Variants in CNBD1 observed in about 807,000 individuals in gnomAD.
The protein encoded by CNBD1 is cyclic nucleotide-binding domain-containing protein 1.
A neutral mutation model predicts 54.4 loss-of-function variants in CNBD1; 71 were observed. The observed-to-expected ratio is 1.30, with a 90% confidence interval of 1.08 to 1.59. CNBD1 has a LOEUF of 1.59. Ranked by LOEUF, CNBD1 falls within the 40% of genes most tolerant of loss-of-function variation. CNBD1 has a pLI of 0.00. For synonymous variants in CNBD1, 182 were observed against 170.7 expected (o/e 1.07, Z -0.51); for missense variants, 659 against 518.0 (o/e 1.27, Z -2.64).
chr8:87,256,900 A>G (rs1188508425), intron 6 of CNBD1, among the ~76,000 whole-genome samples: 1 of 151,868 alleles, frequency 6.6e-6, no homozygotes, highest in Non-Finnish European at 1.5e-5. Context: ...CAGTCTTTCT[A>G]TGATGTTCTC....
At chr8:87,362,386 G>A (rs1385855161) in intron 10 of CNBD1, among the ~76,000 whole-genome samples, 1 of 152,098 alleles carries the variant, frequency 6.6e-6, no homozygotes, top group Non-Finnish European at 1.5e-5. Context: ...GGAAGTGTTA[G>A]CTATTGTACA....
intron 8 of CNBD1, among the ~76,000 whole-genome samples, chr8:87,328,582 C>T (rs1183588784): frequency 6.6e-6 from 1 of 151,786 alleles, no homozygotes; most frequent in East Asian, 1.9e-4. Context: ...GTTTTGACTG[C>T]TTGGAGTCCT....
At chr8:87,158,606 A>G (rs1812792491) in intron 4 of CNBD1, among the ~76,000 whole-genome samples, 1 of 152,172 alleles carries the variant, frequency 6.6e-6, no homozygotes, top group Non-Finnish European at 1.5e-5. Flanking sequence ...TAATGATCTC[A>G]TCAACTTTAT....
intron 8 of CNBD1, among the ~76,000 whole-genome samples, chr8:87,320,842 A>G (rs1040972449): frequency 1.3e-5 from 2 of 152,134 alleles, no homozygotes; most frequent in Non-Finnish European, 2.9e-5. Flanking sequence ...CTGAAATTTT[A>G]TATTCATTGC....
rs1412181690 is a variant in CNBD1 at position 87,166,147 on chromosome 8, T to TAACTCTTA, written c.432-39846_432-39845insAACTCTTA. Among the ~76,000 whole-genome samples the TAACTCTTA allele has an allele frequency of 6.6e-6, 1 of 151,954 alleles. No homozygotes were observed. Among genetic ancestry groups the TAACTCTTA allele is most frequent in the Non-Finnish European group, 1.5e-5 (1 of 67,924 alleles). On this transcript the variant is annotated intron_variant, in intron 4 of 10. Coordinates refer to ENST00000518476, the MANE Select transcript of CNBD1 (RefSeq NM_173538.3). The surrounding 1 kb of genome is among the most constrained non-coding windows in gnomAD (Gnocchi z 4.3). ...TAATAAAACCTCTTAAACTGTTCTTTTTCCCTTCCTCTCTCTCAATAAATG... is the reference window on the plus strand; with the variant it reads ...TAATAAAACCTCTTAAACTGTTCTTTAACTCTTATTCCCTTCCTCTCTCTCAATAAATG...
At chr8:86,987,229 T>C (rs190497364) in intron 4 of CNBD1, among the ~76,000 whole-genome samples, 13 of 152,298 alleles carry the variant, frequency 8.5e-5, no homozygotes, top group Admixed American at 7.9e-4. Flanking sequence ...TTTACATCCT[T>C]GGTTAGCTGC....
chr8:87,406,960 A>G (rs1807663053), intron 2 of CNBD1, among the ~76,000 whole-genome samples: 1 of 152,124 alleles, frequency 6.6e-6, no homozygotes, highest in Admixed American at 6.6e-5. Flanking sequence ...GTTATCCTTT[A>G]TAGTTTTAAT....
intron 8 of CNBD1, among the ~76,000 whole-genome samples, chr8:87,344,033 A>T (rs934473243): frequency 1.3e-5 from 2 of 152,150 alleles, no homozygotes; most frequent in African/African-American, 4.8e-5. Flanking sequence ...TCAATATTCT[A>T]ATGTATAGAA....
At chr8:87,019,650 G>A (rs1420311152) in intron 4 of CNBD1, among the ~76,000 whole-genome samples, 3 of 152,096 alleles carry the variant, frequency 2.0e-5, no homozygotes, top group Admixed American at 2.0e-4. Flanking sequence ...GGCCGAGGTG[G>A]GCGGATCACC....
chr8:87,423,537 G>A (rs1330087760), intron 2 of CNBD1, among the ~76,000 whole-genome samples: 1 of 151,056 alleles, frequency 6.6e-6, no homozygotes, highest in African/African-American at 2.5e-5. Flanking sequence ...AGATAATCAT[G>A]TGGTTTCTGT....
chr8:87,053,722 T>C (rs1810357584), intron 4 of CNBD1, among the ~76,000 whole-genome samples: 1 of 152,194 alleles, frequency 6.6e-6, no homozygotes. Flanking sequence ...CTTGCGTGAC[T>C]GGTATGGATC....
intron 1 of CNBD1, 86 bp downstream of exon 1, chr8:86,866,669 C>T: frequency 2.1e-6 from 2 of 968,884 alleles, no homozygotes; most frequent in Non-Finnish European, 3.2e-6. Context: ...GGGGGTATTT[C>T]AGGGTTGATA....
chr8:86,870,187 C>CTTTT (rs1420611337), intron 1 of CNBD1, among the ~76,000 whole-genome samples: 10 of 47,776 alleles, frequency 2.1e-4, no homozygotes, highest in African/African-American at 1.1e-3. Flanking sequence ...CAAGATAGTA[C>CTTTT]TCTTTTTTTT....
In CNBD1 at chr8:87,415,965, AATC is replaced by A. The variant is rs567311977; in HGVS notation, c.214-12578_214-12576del. On this transcript the variant is annotated intron_variant, in intron 2 of 7. Transcript: ENST00000521593. ...ATATTGGAAATAAAGTTTTTAAAAA[AATC>A]ATATGGACATTAACAAAAAAAATTA... Among the ~76,000 whole-genome samples the A allele has an allele frequency of 4.3e-3, 652 of 152,030 alleles. 8 individuals are homozygous for A. Among genetic ancestry groups the A allele is most frequent in the African/African-American group, 0.015 (623 of 41,530 alleles).
At chr8:87,334,724 C>CTTT (rs1227796537) in intron 8 of CNBD1, among the ~76,000 whole-genome samples, 1 of 113,252 alleles carries the variant, frequency 8.8e-6, no homozygotes, top group Admixed American at 8.6e-5. Flanking sequence ...TTTTTCTTTT[C>CTTT]TTTTTTTTTT....
chr8:86,949,788 G>A (rs1312379356), intron 4 of CNBD1, among the ~76,000 whole-genome samples: 2 of 151,572 alleles, frequency 1.3e-5, no homozygotes, highest in South Asian at 4.2e-4. Context: ...TCTTTGTCAT[G>A]TTCCAGATCT....
At chr8:86,960,849 C>T (rs542428860) in intron 4 of CNBD1, among the ~76,000 whole-genome samples, 10 of 152,264 alleles carry the variant, frequency 6.6e-5, no homozygotes, top group South Asian at 6.2e-4. Context: ...CTGCAGTCTC[C>T]GCTGGTGATA....
At chr8:86,931,396 T>C (rs376824797) in intron 3 of CNBD1, among the ~76,000 whole-genome samples, 2 of 152,198 alleles carry the variant, frequency 1.3e-5, no homozygotes, top group African/African-American at 4.8e-5. Flanking sequence ...AGAGAACCTT[T>C]GTCCTCTTGG....
At chr8:87,410,855 G>A (rs1031698973) in intron 2 of CNBD1, among the ~76,000 whole-genome samples, 1 of 152,116 alleles carries the variant, frequency 6.6e-6, no homozygotes, top group Non-Finnish European at 1.5e-5. Context: ...TAAATCTGCA[G>A]CTGTTCACAT....
Sources: gnomAD v4.1 joint callset for allele counts (sites outside exome capture counted in the v4.1 genomes callset) on GRCh38, gnomAD v4.1.1 for gene constraint, Gnocchi (gnomAD v3.1) non-coding constraint, MANE v1.5 for transcripts, NCBI Gene and HGNC (gene_info 2026-07-23, HGNC 2026-07-21) for gene names.